MACROD2: variants seen among roughly 807,000 people sequenced by gnomAD.
MACROD2 encodes the protein mono-ADP ribosylhydrolase 2.
MACROD2 carries 36 observed loss-of-function variants against 70.4 expected under a neutral mutation model. The ratio of observed to expected loss-of-function variants is 0.51; its 90% confidence interval spans 0.39 to 0.68. The LOEUF is 0.68. MACROD2 is among the 30% of genes least tolerant of loss of function. The pLI is 0.00. For missense variants in MACROD2, 496 were observed against 538.4 expected (o/e 0.92, Z 0.78); for synonymous variants, 172 against 178.8 (o/e 0.96, Z 0.30).
intron 8 of MACROD2, among the ~76,000 whole-genome samples, chr20:15,695,199 A>T (rs980715733): frequency 6.6e-6 from 1 of 152,026 alleles, no homozygotes. Flanking sequence ...TTGGCTATGC[A>T]GGCTCATTTT....
intron 7 of MACROD2, among the ~76,000 whole-genome samples, chr20:15,486,489 AC>A (rs952360485): frequency 2.6e-5 from 4 of 152,186 alleles, no homozygotes; most frequent in African/African-American, 9.7e-5. Context: ...GAGAGAGTAG[AC>A]TTATCCCCTC....
intron 5 of MACROD2, among the ~76,000 whole-genome samples, chr20:15,149,357 T>C (rs2076252558): frequency 6.6e-6 from 1 of 151,946 alleles, no homozygotes; most frequent in South Asian, 2.1e-4. Flanking sequence ...CTGGTGGAGC[T>C]GCCATCAGTA....
chr20:14,138,763 CCA>C (rs11469437), intron 3 of MACROD2, among the ~76,000 whole-genome samples: 12,272 of 146,934 alleles, frequency 0.084, 584 homozygotes, highest in Middle Eastern at 0.14. Flanking sequence ...CTTAAGTTTT[CCA>C]CACACACACA....
intron 3 of MACROD2, among the ~76,000 whole-genome samples, chr20:14,181,052 G>A (rs936695161): frequency 6.7e-5 from 10 of 149,984 alleles, no homozygotes; most frequent in Middle Eastern, 3.5e-3. Flanking sequence ...TAGTAAGGTT[G>A]TTATTCTGTC....
At chr20:14,462,112 G>A (rs1487112250) in intron 3 of MACROD2, among the ~76,000 whole-genome samples, 2 of 151,972 alleles carry the variant, frequency 1.3e-5, no homozygotes, top group Non-Finnish European at 1.5e-5. Context: ...TCGCCACACC[G>A]ACTTCCACAA....
chr20:14,270,372 A>C lies in MACROD2; in HGVS notation c.271+184644A>C, dbSNP rs2082181485. 3.3e-5 allele frequency among the ~76,000 whole-genome samples: 5 copies of C among 152,266 alleles called. No homozygotes were observed. In the South Asian group the frequency reaches 1.0e-3, roughly 31 times the overall value. On this transcript the variant is annotated intron_variant, in intron 3 of 17. Transcript: ENST00000684519. ...TTTGGGAGGCTGAGGTGGGCGGATC[A>C]CGAGGTCAGGACATTGAGATGAACC...
chr20:15,175,726 T>C (rs1179151986), intron 5 of MACROD2, among the ~76,000 whole-genome samples: 1 of 152,204 alleles, frequency 6.6e-6, no homozygotes, highest in South Asian at 2.1e-4. Flanking sequence ...TTTAGTTTTT[T>C]ATACTGATGG....
intron 3 of MACROD2, among the ~76,000 whole-genome samples, chr20:14,422,611 A>T (rs1435547570): frequency 6.6e-6 from 1 of 152,094 alleles, no homozygotes. Flanking sequence ...GGGCTATATA[A>T]CATTCTAAAT....
intron 3 of MACROD2, among the ~76,000 whole-genome samples, chr20:14,317,616 C>CA (rs57339002): frequency 3.9e-3 from 440 of 112,690 alleles, no homozygotes; most frequent in Middle Eastern, 0.01. Flanking sequence ...GAGACTGTCT[C>CA]AAAAAAAAAA....
chr20:15,320,632 A>T (rs2077864273), intron 6 of MACROD2, among the ~76,000 whole-genome samples: 1 of 152,210 alleles, frequency 6.6e-6, no homozygotes, highest in Non-Finnish European at 1.5e-5. Flanking sequence ...GCATTAATGA[A>T]GGGTAAGTAA....
intron 3 of MACROD2, among the ~76,000 whole-genome samples, chr20:14,223,851 G>A (rs1306841549): frequency 6.6e-6 from 1 of 152,146 alleles, no homozygotes; most frequent in Non-Finnish European, 1.5e-5. Context: ...GAGAAACAGA[G>A]CTAACAGGAT....
At chr20:15,552,699 G>A (rs1303960911) in intron 8 of MACROD2, 1 of 152,172 alleles carries the variant, frequency 6.6e-6, no homozygotes, top group African/African-American at 2.4e-5. Context: ...GAAGTGACAA[G>A]AATTTAATGC....
intron 4 of MACROD2, among the ~76,000 whole-genome samples, chr20:14,625,849 G>A (rs912249701): frequency 6.6e-6 from 1 of 152,094 alleles, no homozygotes; most frequent in African/African-American, 2.4e-5. Flanking sequence ...TTCAGATGGA[G>A]TCTCACTCTA....
intron 8 of MACROD2, among the ~76,000 whole-genome samples, chr20:15,744,591 G>C (rs980624156): frequency 2.6e-5 from 4 of 152,028 alleles, no homozygotes; most frequent in African/African-American, 9.7e-5. Context: ...CTTGTGGGTG[G>C]TGATGCCCCA....
intron 3 of MACROD2, among the ~76,000 whole-genome samples, chr20:14,106,028 C>T (rs952948010): frequency 6.6e-6 from 1 of 152,246 alleles, no homozygotes; most frequent in African/African-American, 2.4e-5. Context: ...TAGGTGTTAC[C>T]CAGAACATTT....
chr20:15,338,356 T>C (rs1353125143), intron 6 of MACROD2, among the ~76,000 whole-genome samples: 1 of 151,712 alleles, frequency 6.6e-6, no homozygotes, highest in Non-Finnish European at 1.5e-5. Flanking sequence ...TAGCCAATTC[T>C]TTTGAGGCTG....
At chr20:15,086,452 G>A (rs1479723137) in intron 5 of MACROD2, among the ~76,000 whole-genome samples, 1 of 152,110 alleles carries the variant, frequency 6.6e-6, no homozygotes, top group Non-Finnish European at 1.5e-5. Flanking sequence ...CAGATTACCT[G>A]AGTCTCCCTC....
intron 5 of MACROD2, among the ~76,000 whole-genome samples, chr20:14,947,444 G>A (rs566500534): frequency 6.6e-6 from 1 of 152,234 alleles, no homozygotes; most frequent in East Asian, 1.9e-4. Context: ...TACCTCACAA[G>A]GGTGTTGTAA....
In MACROD2 at chr20:15,278,598, G is replaced by A. The variant is rs149331416; in HGVS notation, c.540+48537G>A. Among the ~76,000 whole-genome samples, 1,148 of 152,206 alleles carry A rather than the reference G, an allele frequency of 7.5e-3. 8 individuals are homozygous for A. Among genetic ancestry groups the A allele is most frequent in the Middle Eastern group, 0.017 (5 of 294 alleles). On this transcript the variant is annotated intron_variant, in intron 6 of 17. Coordinates refer to ENST00000684519, the MANE Select transcript of MACROD2 (RefSeq NM_001351661.2). ...ACACATGATAAAACAGGTAGCAATG[G>A]AGATCCATTATCTCACCTACTACCT...
Sources: gnomAD v4.1 joint callset for allele counts (sites outside exome capture counted in the v4.1 genomes callset) on GRCh38, gnomAD v4.1.1 for gene constraint, MANE v1.5 for transcripts, NCBI Gene and HGNC (gene_info 2026-07-23, HGNC 2026-07-21) for gene names.